The following PRKAG2 variants were observed in gnomAD, a reference collection of about 807,000 sequenced individuals.
PRKAG2 encodes the protein protein kinase AMP-activated non-catalytic subunit gamma 2.
In PRKAG2, 26 loss-of-function variants were observed where a neutral mutation model predicts 69.6. The ratio of observed to expected loss-of-function variants is 0.37; its 90% confidence interval spans 0.27 to 0.52. The LOEUF is 0.52. PRKAG2 is among the 20% of genes least tolerant of loss of function. The pLI, the probability that PRKAG2 is intolerant of heterozygous loss-of-function variation, is 0.90. For missense variants in PRKAG2, 557 were observed against 740.0 expected (o/e 0.75, Z 2.87); for synonymous variants, 293 against 285.0 (o/e 1.03, Z -0.28).
chr7:151,619,842 G>A (rs1821039892), intron 5 of PRKAG2, among the ~76,000 whole-genome samples: 2 of 152,036 alleles, frequency 1.3e-5, no homozygotes, highest in Non-Finnish European at 2.9e-5. Flanking sequence ...CCAACATGGC[G>A]AAACCCCATC....
intron 3 of PRKAG2, among the ~76,000 whole-genome samples, chr7:151,701,165 C>T (rs907690006): frequency 1.3e-5 from 2 of 152,164 alleles, no homozygotes; most frequent in South Asian, 2.1e-4. Flanking sequence ...CTGAGGCCTG[C>T]GTCACTGGGC....
intron 1 of PRKAG2, among the ~76,000 whole-genome samples, chr7:151,793,470 C>T (rs750993915): frequency 2.0e-5 from 3 of 152,248 alleles, no homozygotes; most frequent in Non-Finnish European, 4.4e-5. Flanking sequence ...TGGGATCCAG[C>T]ACCAGGCGGG....
At chr7:151,579,537 GA>G (rs773518596) in intron 6 of PRKAG2, among the ~76,000 whole-genome samples, 8 of 152,128 alleles carry the variant, frequency 5.3e-5, no homozygotes, top group Non-Finnish European at 1.2e-4. Flanking sequence ...AACACTATTT[GA>G]GGGCCCTGGA....
chr7:151,560,443 A>T, intron 15 of PRKAG2, 81 bp downstream of exon 15: 1 of 1,612,408 alleles, frequency 6.2e-7, no homozygotes, highest in Non-Finnish European at 8.5e-7. Flanking sequence ...TGGAGAAATG[A>T]TGGTTTAAAT....
At chr7:151,672,022 C>CTTT (rs1237478124) in intron 4 of PRKAG2, among the ~76,000 whole-genome samples, 2 of 141,220 alleles carry the variant, frequency 1.4e-5, no homozygotes, top group Middle Eastern at 3.6e-3. Context: ...ACCATTTGAA[C>CTTT]TTTTTTTTTT....
intron 5 of PRKAG2, chr7:151,631,834 G>T (rs1005829007): frequency 6.6e-5 from 33 of 499,046 alleles, no homozygotes; most frequent in Non-Finnish European, 1.2e-4. Flanking sequence ...CGGGCTCAGG[G>T]CTGCGCTCTG....
At chr7:151,791,575 G>A (rs769955643) in intron 1 of PRKAG2, among the ~76,000 whole-genome samples, 9 of 152,212 alleles carry the variant, frequency 5.9e-5, no homozygotes, top group African/African-American at 1.2e-4. Flanking sequence ...ATTTTCATCC[G>A]CTGCACAAAA....
intron 3 of PRKAG2, among the ~76,000 whole-genome samples, chr7:151,779,388 C>T (rs1267466013): frequency 2.0e-5 from 3 of 152,214 alleles, no homozygotes; most frequent in African/African-American, 7.2e-5. Context: ...GACCCTCCTC[C>T]TCCTCTCCCC....
chr7:151,859,420 A>T (rs2079862690), intron 1 of PRKAG2, among the ~76,000 whole-genome samples: 1 of 152,220 alleles, frequency 6.6e-6, no homozygotes, highest in Admixed American at 6.5e-5. Context: ...TTCTCCAAAG[A>T]AGACAAAGGT....
Position 151,681,284 on chromosome 7 carries a change from A to G in PRKAG2, c.467-5647T>C, listed in dbSNP as rs143972522. Among the ~76,000 whole-genome samples the G allele has an allele frequency of 2.0e-4, 30 of 152,280 alleles. No homozygotes were observed. The East Asian group carries it at 5.4e-3, about 27-fold the overall frequency. On this transcript the variant is annotated intron_variant, in intron 3 of 15. Transcript: ENST00000287878. ...TTCTGGTGGGGCTGAATGATTCTCT[A>G]TCATTGCCATCTTTCCAAGTTCAGA... is the stretch of plus-strand genomic sequence containing the variant.
Position 151,848,512 on chromosome 7 carries a change from C to CTTTTTTTTTTTTTTTT in PRKAG2, c.114+27979_114+27994dup, listed in dbSNP as rs1158559692. ...AACAGATGAAGAAAATACTGCATGT[C>CTTTTTTTTTTTTTTTT]TTTTTTTTTTTTTTTTTTTTTTTTT... On this transcript the variant is annotated intron_variant, in intron 1 of 15. Transcript: ENST00000287878. Among the ~76,000 whole-genome samples the CTTTTTTTTTTTTTTTT allele has an allele frequency of 1.8e-4, 11 of 62,250 alleles. 1 individual carries two copies. Among genetic ancestry groups the CTTTTTTTTTTTTTTTT allele is most frequent in the African/African-American group, 5.7e-4 (8 of 13,954 alleles). 40.8% of individuals were successfully genotyped at this position (62,250 alleles called of 152,430 possible).
chr7:151,654,987 C>T (rs1829177551), intron 4 of PRKAG2, among the ~76,000 whole-genome samples: 1 of 152,184 alleles, frequency 6.6e-6, no homozygotes, highest in African/African-American at 2.4e-5. Context: ...GCCACCATGC[C>T]CGGCTGGGAT....
rs142203830 is a variant in PRKAG2 at position 151,702,583 on chromosome 7, C to T, written c.467-26946G>A. Among the ~76,000 whole-genome samples, 150 of 152,358 alleles carry T rather than the reference C, an allele frequency of 9.8e-4. 1 individual carries two copies. The highest frequency in any genetic ancestry group is 3.1e-3 in the African/African-American group (129 of 41,576). On this transcript the variant is annotated intron_variant, in intron 3 of 15. Coordinates refer to ENST00000287878, the MANE Select transcript of PRKAG2 (RefSeq NM_016203.4). ...AGGGCACTGCCAGGTCCGCTCTGTA[C>T]ACAGACAAATGCAACTTTGAAGTTT...
rs920070388 is a variant in PRKAG2 at position 151,632,272 on chromosome 7, G to A, written c.685-134C>T. Reference sequence around the variant, plus strand: ...GAGGAGGGGCCTGGCAGGGGACGCGGGCAGCGGGGGCCGGGGGCGGAGCGG... The same window carrying A: ...GAGGAGGGGCCTGGCAGGGGACGCGAGCAGCGGGGGCCGGGGGCGGAGCGG... On this transcript the variant is annotated intron_variant, in intron 4 of 15. Transcript: ENST00000287878. The surrounding 1 kb of genome is among the most constrained non-coding windows in gnomAD (Gnocchi z 4.2). The A allele has an allele frequency of 7.0e-5, 71 of 1,015,696 alleles. 1 individual carries two copies. In the African/African-American group the frequency reaches 1.1e-3, roughly 16 times the overall value. 62.9% of individuals were successfully genotyped at this position (1,015,696 alleles called of 1,614,324 possible).
At chr7:151,717,243 T>C (rs10265221) in intron 3 of PRKAG2, among the ~76,000 whole-genome samples, 35,451 of 143,558 alleles carry the variant, frequency 0.25, 4,608 homozygotes, top group Non-Finnish European at 0.29. Flanking sequence ...CGAGACCCCA[T>C]GTCAAAAAGA....
intron 14 of PRKAG2, among the ~76,000 whole-genome samples, chr7:151,561,478 G>T (rs191993637): frequency 6.6e-6 from 1 of 152,104 alleles, no homozygotes; most frequent in Non-Finnish European, 1.5e-5. Flanking sequence ...ATTAAGAATC[G>T]CATCCAAGAG....
chr7:151,775,834 C>T lies in PRKAG2; in HGVS notation c.466+5318G>A, dbSNP rs73160008. The stretch of plus-strand genomic sequence containing the variant: ...CACGGGGCTGTTTCTTCCCAAGACC[C>T]TCCAGATGGGCCGATGGCATTACTC... On this transcript the variant is annotated intron_variant, in intron 3 of 15. Coordinates refer to ENST00000287878, the MANE Select transcript of PRKAG2 (RefSeq NM_016203.4). Among the ~76,000 whole-genome samples, 470 of 152,334 alleles carry T rather than the reference C, an allele frequency of 3.1e-3. 2 individuals carry two copies. The highest frequency in any genetic ancestry group is 5.5e-3 in the Non-Finnish European group (372 of 68,030).
At chr7:151,826,646 G>A (rs778155623) in intron 1 of PRKAG2, among the ~76,000 whole-genome samples, 159 of 152,256 alleles carry the variant, frequency 1.0e-3, no homozygotes, top group Non-Finnish European at 8.1e-4. Flanking sequence ...TCAAGAAAAA[G>A]TAATGACTGT....
At position 151,781,103 on chromosome 7, in the gene PRKAG2, A is replaced by T. The variant is rs1563658183; in HGVS notation, c.466+49T>A. Reference sequence around the variant, plus strand: ...CCGTGGATGTGTGGCTGCAGAAGAGACCCCCAGCACCCCAGCACCCACCTG... The same window carrying T: ...CCGTGGATGTGTGGCTGCAGAAGAGTCCCCCAGCACCCCAGCACCCACCTG... On this transcript the variant is annotated intron_variant, in intron 3 of 15. Coordinates refer to ENST00000287878, the MANE Select transcript of PRKAG2 (RefSeq NM_016203.4). The surrounding 1 kb of genome is among the most constrained non-coding windows in gnomAD (Gnocchi z 6.1). The T allele has an allele frequency of 1.2e-6, 2 of 1,609,146 alleles. No homozygotes were observed. Among genetic ancestry groups the T allele is most frequent in the South Asian group, 2.2e-5 (2 of 90,878 alleles).
Sources: allele counts gnomAD v4.1 joint callset (sites outside exome capture counted in the v4.1 genomes callset), GRCh38; gene constraint gnomAD v4.1.1; non-coding constraint Gnocchi (gnomAD v3.1); transcripts MANE v1.5; gene names NCBI Gene and HGNC (gene_info 2026-07-23, HGNC 2026-07-21).